Variants in PPP2R3B observed in about 807,000 individuals in gnomAD.
PPP2R3B encodes protein phosphatase 2 regulatory subunit B''beta, also known as serine/threonine-protein phosphatase 2A regulatory subunit B'' subunit beta.
In PPP2R3B, 68 loss-of-function variants were observed where a neutral mutation model predicts 72.9. The ratio of observed to expected loss-of-function variants is 0.93; its 90% CI spans 0.77 to 1.14. The LOEUF (loss-of-function observed/expected upper bound fraction) is 1.14, where lower values mean the gene tolerates loss of function less well. Among genes scored for constraint, PPP2R3B ranks in the 50% most tolerant of loss-of-function variants. PPP2R3B has a pLI of 0.00. For synonymous variants in PPP2R3B, 466 were observed against 375.8 expected (o/e 1.24, Z -2.78); for missense variants, 1,018 against 842.0 (o/e 1.21, Z -2.59).
At chrX:377,600 C>T (rs772076817) in intron 1 of PPP2R3B, among the ~76,000 whole-genome samples, 6 of 134,576 alleles carry the variant, frequency 4.5e-5, no homozygotes, top group African/African-American at 8.4e-5. Context: ...TGTACAGGGA[C>T]GGGCCGTCTA....
At chrX:355,829 A>T (rs1177215065) in intron 2 of PPP2R3B, among the ~76,000 whole-genome samples, 6 of 152,274 alleles carry the variant, frequency 3.9e-5, no homozygotes, top group African/African-American at 1.4e-4. Context: ...GGTGCGCGTC[A>T]GAAAGCAGCA....
chrX:334,270 AACG>A lies in PPP2R3B; in HGVS notation c.*94_*96del. 7.7e-7 allele frequency: 1 copy of A among 1,307,106 alleles called. No homozygotes were observed. Among genetic ancestry groups the A allele is most frequent in the South Asian group, 1.6e-5 (1 of 62,262 alleles). The allele number at this position is 1,307,106 out of a possible 1,614,324, so 81.0% of individuals were successfully genotyped here. On this transcript the variant is annotated 3_prime_UTR_variant, in exon 13 of 13. Transcript: ENST00000390665. ...AAATAAAAGTTTATCATTCCGTACA[AACG>A]CACTCATTTTCCACAACAGTTTTTA...
chrX:364,574 C>G (rs745333634), intron 1 of PPP2R3B, among the ~76,000 whole-genome samples: 1 of 151,322 alleles, frequency 6.6e-6, no homozygotes, highest in Non-Finnish European at 1.5e-5. Context: ...AAAAATTAGC[C>G]GGGTGTGGTG....
Position 334,311 on chromosome X carries a change from T to TGGCCCGGTGGTGGCACGTGGGGAGC in PPP2R3B, c.*31_*55dup. On this transcript the variant is annotated 3_prime_UTR_variant, in exon 13 of 13. Coordinates refer to ENST00000390665, the MANE Select transcript of PPP2R3B (RefSeq NM_013239.5). The stretch of plus-strand genomic sequence containing the variant: ...ACAACAGTTTTTACACGAGCCGCGG[T>TGGCCCGGTGGTGGCACGTGGGGAGC]GGCCCGGTGGTGGCACGTGGGGAGC... 1 of 1,424,564 alleles carries TGGCCCGGTGGTGGCACGTGGGGAGC rather than the reference T, an allele frequency of 7.0e-7. No individual in the cohort carries two copies. The highest frequency in any genetic ancestry group is 9.2e-7 in the Non-Finnish European group (1 of 1,092,808). The allele number at this position is 1,424,564 out of a possible 1,614,324, so 88.2% of individuals were successfully genotyped here.
At chrX:346,108 G>GGGAAGGT in intron 6 of PPP2R3B, 66 bp downstream of exon 6, 1 of 1,118,898 alleles carries the variant, frequency 8.9e-7, no homozygotes. Flanking sequence ...GGAGGGAAGG[G>GGGAAGGT]AAGGGAGTGG....
intron 1 of PPP2R3B, 137 bp downstream of exon 1, chrX:386,231 T>C: frequency 7.7e-6 from 4 of 518,760 alleles, no homozygotes; most frequent in Non-Finnish European, 1.1e-5. Context: ...GTGGGGGGGG[T>C]CGGGGCGGGG....
At chrX:364,711 C>G (rs1409415565) in intron 1 of PPP2R3B, among the ~76,000 whole-genome samples, 1 of 53,100 alleles carries the variant, frequency 1.9e-5, no homozygotes, top group Non-Finnish European at 3.1e-5. Context: ...GAGTGAGACT[C>G]TGTCTCAAAA....
chrX:372,026 C>T (rs2071877160), intron 1 of PPP2R3B, among the ~76,000 whole-genome samples: 1 of 152,200 alleles, frequency 6.6e-6, no homozygotes, highest in African/African-American at 2.4e-5. Flanking sequence ...CCACAGCCCC[C>T]CACAGAAGAG....
rs191439779 is a variant in PPP2R3B at position 355,254 on chromosome X, G to A, written c.510+6151C>T. On this transcript the variant is annotated intron_variant, in intron 2 of 12. Coordinates refer to ENST00000390665, the MANE Select transcript of PPP2R3B (RefSeq NM_013239.5). Reference sequence around the variant, plus strand: ...TCATATTAAAGTAAAAAAATACCACGTACAGTGTCATCAGAAACAGGAAAT... The same window carrying A: ...TCATATTAAAGTAAAAAAATACCACATACAGTGTCATCAGAAACAGGAAAT... Among the ~76,000 whole-genome samples the A allele has an allele frequency of 9.3e-4, 141 of 152,310 alleles. 1 individual carries two copies. Among genetic ancestry groups the A allele is most frequent in the African/African-American group, 3.3e-3 (139 of 41,554 alleles).
chrX:358,296 C>T (rs1928954427), intron 2 of PPP2R3B, among the ~76,000 whole-genome samples: 1 of 152,172 alleles, frequency 6.6e-6, no homozygotes, highest in Non-Finnish European at 1.5e-5. Flanking sequence ...GGCCCCCACA[C>T]ACGCGGGACG....
intron 8 of PPP2R3B, 127 bp downstream of exon 8, chrX:341,756 G>A (rs1603042262): frequency 5.8e-6 from 6 of 1,042,986 alleles, no homozygotes; most frequent in South Asian, 1.3e-5. Flanking sequence ...TGCCCCCCTC[G>A]CCAGGGCCTG....
intron 1 of PPP2R3B, chrX:373,870 C>T (rs1304853239): frequency 1.3e-5 from 2 of 152,498 alleles, no homozygotes; most frequent in Admixed American, 1.3e-4. Flanking sequence ...GGCCGCCTCT[C>T]CCGACCCGCG....
At position 345,665 on chromosome X, in the gene PPP2R3B, G is replaced by A. The variant is rs760244257; in HGVS notation, c.887C>T (p.Ala296Val). 4 of 1,612,342 alleles carry A rather than the reference G, an allele frequency of 2.5e-6. No individual in the cohort carries two copies. Among genetic ancestry groups the A allele is most frequent in the South Asian group, 1.1e-5 (1 of 91,040 alleles). The change falls in exon 7 of 13, where the codon GCG (alanine) becomes GTG (valine). Residue 296 changes from alanine (A) to valine (V), a missense_variant. Physicochemically the swap from Ala to Val is moderately conservative, Grantham distance 64. Coordinates refer to ENST00000390665, the MANE Select transcript of PPP2R3B (RefSeq NM_013239.5). ...LRRSSFLQNV[A>V]LLEEEADINQ... is the part of the protein sequence containing the mutation. ...GATGTCCGCCTCCTCCTCCAGCAGC[G>A]CCACATTCTGCCAAAGGACCCAGGC...
chrX:382,196 C>CTTT (rs769206203), intron 1 of PPP2R3B, among the ~76,000 whole-genome samples: 1 of 130,072 alleles, frequency 7.7e-6, no homozygotes, highest in Non-Finnish European at 1.6e-5. Flanking sequence ...CTTTTTTTTT[C>CTTT]TTTTTTTTTT....
At position 386,545 on chromosome X, in the gene PPP2R3B, CG is replaced by C. The variant is rs1216446623; in HGVS notation, c.146del (p.Pro49ArgfsTer60). 3 of 1,431,824 alleles carry C rather than the reference CG, an allele frequency of 2.1e-6. No individual in the cohort carries two copies. Among genetic ancestry groups the C allele is most frequent in the Non-Finnish European group, 1.8e-6 (2 of 1,089,998 alleles). The allele number at this position is 1,431,824 out of a possible 1,614,324, so 88.7% of individuals were successfully genotyped here. On this transcript the variant is annotated frameshift_variant, in exon 1 of 13. Coordinates refer to ENST00000390665, the MANE Select transcript of PPP2R3B (RefSeq NM_013239.5). LOFTEE classifies it high-confidence loss of function. ...IKAPGRDQPT[P>X]GDGEQPGAWP... ...AGGCCCCGGGCTGCTCCCCGTCCCCCGGGGTCGGCTGGTCCCGCCCGGGCGC... is the reference window on the plus strand; with the variant it reads ...AGGCCCCGGGCTGCTCCCCGTCCCCCGGGTCGGCTGGTCCCGCCCGGGCGC...
chrX:341,546 G>C, intron 8 of PPP2R3B, 150 bp from the exon 9 acceptor site: 1 of 779,544 alleles, frequency 1.3e-6, no homozygotes, highest in Non-Finnish European at 2.1e-6. Flanking sequence ...TGCCTCTCCG[G>C]GGAGGAGGTG....
intron 11 of PPP2R3B, 26 bp downstream of exon 11, chrX:338,752 C>G: frequency 1.2e-6 from 2 of 1,611,810 alleles, no homozygotes; most frequent in Non-Finnish European, 1.7e-6. Flanking sequence ...GTGGCGCGGC[C>G]CGGCCCGCGT....
intron 1 of PPP2R3B, among the ~76,000 whole-genome samples, chrX:367,390 C>G (rs2071743419): frequency 6.7e-6 from 1 of 149,954 alleles, no homozygotes; most frequent in African/African-American, 2.4e-5. Flanking sequence ...GGAAAAGATA[C>G]TGATTAATAT....
At chrX:359,950 AC>A in intron 2 of PPP2R3B, 1 of 419,102 alleles carries the variant, frequency 2.4e-6, no homozygotes, top group Non-Finnish European at 4.7e-6. Context: ...TATTTATAAA[AC>A]AAAACTTTTT....
Sources: gnomAD v4.1 joint callset for allele counts (sites outside exome capture counted in the v4.1 genomes callset) on GRCh38, gnomAD v4.1.1 for gene constraint, MANE v1.5 for transcripts, NCBI Gene and HGNC (gene_info 2026-07-23, HGNC 2026-07-21) for gene names.